Variants in PCDHGA9 observed in about 807,000 individuals in gnomAD.
PCDHGA9 encodes protocadherin gamma subfamily A, 9, also known as protocadherin gamma-A9.
A neutral mutation model predicts 62.5 loss-of-function variants in PCDHGA9; 37 were observed. The observed-to-expected ratio is 0.59, with a 90% CI of 0.46 to 0.78. The LOEUF (loss-of-function observed/expected upper bound fraction) is 0.78. PCDHGA9 is among the 30% of genes least tolerant of loss of function. PCDHGA9 has a pLI of 0.00. For missense variants in PCDHGA9, 1,138 were observed against 1,166.2 expected, an observed-to-expected ratio of 0.98 and a Z score of 0.35; for synonymous variants, 459 against 484.6, an observed-to-expected ratio of 0.95 and a Z score of 0.69.
intron 1 of PCDHGA9, chr5:141,427,862 C>T (rs748112227): frequency 2.6e-6 from 4 of 1,556,778 alleles, no homozygotes; most frequent in East Asian, 4.5e-5. Context: ...TGTGCGCCTT[C>T]GAGCTCACGA....
intron 1 of PCDHGA9, among the ~76,000 whole-genome samples, chr5:141,463,135 C>T (rs1352400365): frequency 6.6e-6 from 1 of 152,246 alleles, no homozygotes; most frequent in Middle Eastern, 3.4e-3. Context: ...GGCAGTTCTT[C>T]GCCCAGCTGC....
intron 1 of PCDHGA9, chr5:141,440,535 G>A (rs1305958587): frequency 1.3e-5 from 2 of 152,154 alleles, no homozygotes; most frequent in East Asian, 1.9e-4. Flanking sequence ...CATGCACCAC[G>A]GTTCAGCAGG....
Position 141,511,072 on chromosome 5 carries a change from A to C in PCDHGA9, c.2698A>C (p.Ser900Arg). The C allele has an allele frequency of 6.2e-7, 1 of 1,614,252 alleles. No individual in the cohort carries two copies. Among genetic ancestry groups the C allele is most frequent in the Non-Finnish European group, 8.5e-7 (1 of 1,180,034 alleles). Residue 900 changes from serine to arginine, a missense_variant, in exon 4 of 4, where the codon AGC (serine) becomes CGC (arginine). Ser to Arg is a moderately radical substitution (Grantham distance 110). Coordinates refer to ENST00000573521, the MANE Select transcript of PCDHGA9 (RefSeq NM_018921.3). ...CCGCCAGAATGTCTACATCCCAGGC[A>C]GCAATGCCACACTGACCAACGCAGC... ...DYRQNVYIPG[S>R]NATLTNAAGK...
intron 1 of PCDHGA9, chr5:141,413,731 G>A (rs1008251304): frequency 6.2e-7 from 1 of 1,613,454 alleles, no homozygotes; most frequent in South Asian, 1.1e-5. Context: ...CTCCCTAAGA[G>A]TTCAGAGCCG....
chr5:141,415,163 C>G (rs572456395), intron 1 of PCDHGA9: 11 of 1,613,856 alleles, frequency 6.8e-6, no homozygotes, highest in African/African-American at 1.3e-5. Context: ...GCCACTGTCA[C>G]GCTCACCGTG....
intron 1 of PCDHGA9, chr5:141,421,544 A>G (rs2096582597): frequency 6.2e-7 from 1 of 1,613,912 alleles, no homozygotes; most frequent in African/African-American, 1.3e-5. Context: ...TGTTTTTTAA[A>G]TATGGAACTT....
At chr5:141,505,983 C>G (rs1235662535) in intron 3 of PCDHGA9, among the ~76,000 whole-genome samples, 1 of 152,148 alleles carries the variant, frequency 6.6e-6, no homozygotes, top group Non-Finnish European at 1.5e-5. Context: ...GAGAGAACAC[C>G]TCCTCTTTAT....
chr5:141,418,007 C>G (rs1561770675), intron 1 of PCDHGA9: 1 of 1,613,904 alleles, frequency 6.2e-7, no homozygotes, highest in Non-Finnish European at 8.5e-7. Flanking sequence ...GGTGGGGAAC[C>G]TCGCTAAGGA....
In PCDHGA9 at chr5:141,503,243, C is replaced by T. The variant is rs146741382; in HGVS notation, c.2484-2150C>T. Among the ~76,000 whole-genome samples the T allele has an allele frequency of 3.1e-4, 47 of 152,198 alleles. No individual in the cohort carries two copies. The East Asian group carries it at 8.9e-3, about 29-fold the overall frequency. ...CACCGTAAAGATGGACAGTTTCTAT[C>T]ATACTCACAGCCACAACCCCAGCAC... On this transcript the variant is annotated intron_variant, in intron 2 of 3. Coordinates refer to ENST00000573521, the MANE Select transcript of PCDHGA9 (RefSeq NM_018921.3).
At position 141,483,010 on chromosome 5, in the gene PCDHGA9, G is replaced by A. The variant is rs574078222; in HGVS notation, c.2425-11797G>A. Among the ~76,000 whole-genome samples the A allele has an allele frequency of 1.3e-3, 204 of 152,122 alleles. 1 individual carries two copies. Among genetic ancestry groups the A allele is most frequent in the African/African-American group, 4.0e-3 (168 of 41,498 alleles). On this transcript the variant is annotated intron_variant, in intron 1 of 3. Coordinates refer to ENST00000573521, the MANE Select transcript of PCDHGA9 (RefSeq NM_018921.3). Reference sequence around the variant, plus strand: ...CGAGGCAGGAGAATTGCTTGAACCCGGGAGGCAGAGGTTGCAATGAGCTGG... The same window carrying A: ...CGAGGCAGGAGAATTGCTTGAACCCAGGAGGCAGAGGTTGCAATGAGCTGG...
chr5:141,415,026 G>T, intron 1 of PCDHGA9: 2 of 1,613,590 alleles, frequency 1.2e-6, no homozygotes, highest in Non-Finnish European at 1.7e-6. Context: ...AGGCCAGCGA[G>T]CCGGGACTCT....
intron 1 of PCDHGA9, among the ~76,000 whole-genome samples, chr5:141,461,764 C>T (rs1005862192): frequency 6.6e-6 from 1 of 152,118 alleles, no homozygotes; most frequent in East Asian, 1.9e-4. Context: ...AGCGATTCTC[C>T]TGCCTCAGCC....
intron 1 of PCDHGA9, chr5:141,421,355 G>C (rs1561793348): frequency 6.2e-7 from 1 of 1,613,990 alleles, no homozygotes. Flanking sequence ...ACCGAAAAGG[G>C]CTCCTTCGTG....
At chr5:141,436,327 C>T (rs1384222077) in intron 1 of PCDHGA9, among the ~76,000 whole-genome samples, 1 of 152,098 alleles carries the variant, frequency 6.6e-6, no homozygotes, top group Admixed American at 6.5e-5. Flanking sequence ...ACTGTTAGAC[C>T]ATATCTCAAA....
At chr5:141,484,071 T>C (rs1405337642) in intron 1 of PCDHGA9, among the ~76,000 whole-genome samples, 1 of 152,144 alleles carries the variant, frequency 6.6e-6, no homozygotes, top group Non-Finnish European at 1.5e-5. Flanking sequence ...GTGAAAAGCT[T>C]GCTCTTTTGA....
intron 1 of PCDHGA9, among the ~76,000 whole-genome samples, chr5:141,472,555 A>T (rs1360460094): frequency 6.6e-6 from 1 of 152,024 alleles, no homozygotes; most frequent in South Asian, 2.1e-4. Flanking sequence ...AAAAAAAATT[A>T]TATTATAAAT....
Position 141,487,298 on chromosome 5 carries a change from G to T in PCDHGA9, c.2425-7509G>T. 6.2e-7 allele frequency: 1 copy of T among 1,614,072 alleles called. No individual in the cohort carries two copies. Among genetic ancestry groups the T allele is most frequent in the Non-Finnish European group, 8.5e-7 (1 of 1,180,018 alleles). ...TTGCTTTGTCTCCTTTGGCTCATTC[G>T]TGGCACTACTCTCTAAGTGTCTTCG... On this transcript the variant is annotated intron_variant, in intron 1 of 3. Coordinates refer to ENST00000573521, the MANE Select transcript of PCDHGA9 (RefSeq NM_018921.3). This position sits in a 1 kb window ranked among gnomAD's most constrained non-coding sequence, Gnocchi z 5.0.
intron 1 of PCDHGA9, chr5:141,426,692 C>T: frequency 2.3e-6 from 1 of 435,472 alleles, no homozygotes; most frequent in Non-Finnish European, 4.7e-6. Flanking sequence ...CCCAAAATAG[C>T]ATTGTTTTAC....
chr5:141,440,918 A>C (rs2154559108), intron 1 of PCDHGA9: 1 of 152,384 alleles, frequency 6.6e-6, no homozygotes, highest in Admixed American at 6.5e-5. Context: ...TCCTGTGCTG[A>C]GAGTGAGGGC....
Sources: allele counts gnomAD v4.1 joint callset (sites outside exome capture counted in the v4.1 genomes callset), GRCh38; gene constraint gnomAD v4.1.1; non-coding constraint Gnocchi (gnomAD v3.1); transcripts MANE v1.5; gene names NCBI Gene and HGNC (gene_info 2026-07-23, HGNC 2026-07-21).